Variants in GOLM1 observed in about 807,000 individuals in gnomAD.
GOLM1 encodes the protein golgi membrane protein 1.
In GOLM1, 31 loss-of-function variants were observed where a neutral mutation model predicts 50.5. That is an observed-to-expected ratio of 0.61 (90% CI 0.46 to 0.83). The LOEUF is 0.83. Among genes scored for constraint, GOLM1 ranks in the 40% least tolerant of loss-of-function variants. The pLI is 0.00. For synonymous variants in GOLM1, 178 were observed against 192.8 expected, an observed-to-expected ratio of 0.92 and a Z score of 0.64; for missense variants, 491 against 501.3, an observed-to-expected ratio of 0.98 and a Z score of 0.20.
intron 3 of GOLM1, among the ~76,000 whole-genome samples, chr9:86,066,235 G>A (rs1241523734): frequency 1.3e-5 from 2 of 152,128 alleles, no homozygotes; most frequent in Non-Finnish European, 2.9e-5. Context: ...CGCACTCCAT[G>A]AACCAGCTCT....
intron 1 of GOLM1, among the ~76,000 whole-genome samples, chr9:86,095,207 C>T (rs1835320417): frequency 6.6e-6 from 1 of 152,018 alleles, no homozygotes; most frequent in Admixed American, 6.6e-5. Flanking sequence ...ACACTGCCCA[C>T]AAATTAAGAA....
chr9:86,080,983 C>T (rs567092996), intron 1 of GOLM1, among the ~76,000 whole-genome samples: 1 of 152,204 alleles, frequency 6.6e-6, no homozygotes, highest in Non-Finnish European at 1.5e-5. Context: ...CTCTTGGGCT[C>T]AAATAATCCT....
intron 1 of GOLM1, among the ~76,000 whole-genome samples, chr9:86,088,423 T>C (rs1294713128): frequency 4.5e-4 from 8 of 17,872 alleles, no homozygotes; most frequent in Middle Eastern, 0.12. Flanking sequence ...GAAGGGTGTA[T>C]ATATATATAT....
intron 9 of GOLM1, among the ~76,000 whole-genome samples, chr9:86,030,521 G>A (rs1490687240): frequency 6.6e-6 from 1 of 152,068 alleles, no homozygotes; most frequent in Non-Finnish European, 1.5e-5. Flanking sequence ...AATCAGACAA[G>A]CACAGATTGA....
intron 1 of GOLM1, among the ~76,000 whole-genome samples, chr9:86,096,524 C>T (rs1835360647): frequency 6.6e-6 from 1 of 152,174 alleles, no homozygotes; most frequent in South Asian, 2.1e-4. Context: ...CCCAGACCTA[C>T]CAAGTCAGAG....
Position 86,027,717 on chromosome 9 carries a change from T to C in GOLM1, c.*100A>G, listed in dbSNP as rs1564337648. 2.0e-6 allele frequency: 3 copies of C among 1,467,102 alleles called. No individual in the cohort carries two copies. In the East Asian group the frequency reaches 7.5e-5, roughly 36 times the overall value. 90.9% of individuals were successfully genotyped at this position (1,467,102 alleles called of 1,614,324 possible). ...ACAATAATCATCTTCAGATGTACAT[T>C]TTATTTAGTACATTTCACAGTTTTC... On this transcript the variant is annotated 3_prime_UTR_variant, in exon 10 of 10. Coordinates refer to ENST00000388712, the MANE Select transcript of GOLM1 (RefSeq NM_016548.4).
intron 1 of GOLM1, among the ~76,000 whole-genome samples, chr9:86,098,256 T>C (rs940556367): frequency 6.8e-6 from 1 of 146,738 alleles, no homozygotes; most frequent in Non-Finnish European, 1.5e-5. Flanking sequence ...AGAAAGAAAG[T>C]AATGAGCTTA....
Position 86,026,327 on chromosome 9 carries a change from C to T in GOLM1, c.*1490G>A, listed in dbSNP as rs982082155. On this transcript the variant is annotated 3_prime_UTR_variant, in exon 10 of 10. Coordinates refer to ENST00000388712, the MANE Select transcript of GOLM1 (RefSeq NM_016548.4). ...TACTCTAAGATTTTATCTAAGTTGC[C>T]TTTTCTGGGTGGGAAAGTTTAACCT... The T allele has an allele frequency of 1.0e-6, 1 of 985,034 alleles. No homozygotes were observed. Among genetic ancestry groups the T allele is most frequent in the Non-Finnish European group, 1.2e-6 (1 of 829,660 alleles). 61.0% of individuals were successfully genotyped at this position (985,034 alleles called of 1,614,324 possible).
intron 3 of GOLM1, among the ~76,000 whole-genome samples, chr9:86,053,334 A>G (rs1833838450): frequency 8.9e-6 from 1 of 111,920 alleles, no homozygotes; most frequent in African/African-American, 3.4e-5. Flanking sequence ...ACACCACACT[A>G]CACCACGCCA....
chr9:86,085,050 GAAAC>G (rs147873774), intron 1 of GOLM1: 49,177 of 137,998 alleles, frequency 0.36, 9,506 homozygotes, highest in Non-Finnish European at 0.45. Context: ...CTGTCCCAGA[GAAAC>G]AAACAAAAAG....
intron 3 of GOLM1, among the ~76,000 whole-genome samples, chr9:86,057,863 C>T (rs1215639359): frequency 1.3e-5 from 2 of 152,214 alleles, no homozygotes; most frequent in Non-Finnish European, 2.9e-5. Flanking sequence ...CTGTCCCCTC[C>T]AGAAGGTGAC....
At chr9:86,066,266 A>G (rs1834305160) in intron 3 of GOLM1, among the ~76,000 whole-genome samples, 1 of 152,194 alleles carries the variant, frequency 6.6e-6, no homozygotes, top group African/African-American at 2.4e-5. Context: ...AAAGCACTGT[A>G]AACACCTCAG....
At chr9:86,069,712 C>T (rs189410394) in intron 3 of GOLM1, among the ~76,000 whole-genome samples, 2 of 152,286 alleles carry the variant, frequency 1.3e-5, no homozygotes, top group East Asian at 3.9e-4. Flanking sequence ...AGAGGGTTAG[C>T]TGAGGCCAGC....
chr9:86,031,165 G>A (rs1436328102), intron 9 of GOLM1, among the ~76,000 whole-genome samples: 2 of 151,742 alleles, frequency 1.3e-5, no homozygotes, highest in African/African-American at 4.8e-5. Flanking sequence ...AGCCGAGATC[G>A]CACTACTGCA....
At chr9:86,043,819 T>G (rs1030942697) in intron 5 of GOLM1, among the ~76,000 whole-genome samples, 18 of 152,312 alleles carry the variant, frequency 1.2e-4, no homozygotes, top group African/African-American at 4.1e-4. Context: ...GGAGCAGAGA[T>G]TCCTTCCCTG....
intron 1 of GOLM1, 21 bp from the exon 2 acceptor site, chr9:86,079,362 A>G: frequency 6.5e-7 from 1 of 1,537,336 alleles, no homozygotes; most frequent in Non-Finnish European, 8.8e-7. Context: ...AAAGCAAATA[A>G]ATAAACATCA....
At chr9:86,064,795 T>C (rs1834259930) in intron 3 of GOLM1, among the ~76,000 whole-genome samples, 4 of 152,218 alleles carry the variant, frequency 2.6e-5, no homozygotes, top group African/African-American at 7.2e-5. Flanking sequence ...CTGACTCCCA[T>C]GGCCCTTGAG....
chr9:86,039,574 G>A (rs192936931), intron 6 of GOLM1, among the ~76,000 whole-genome samples: 2 of 152,288 alleles, frequency 1.3e-5, no homozygotes, highest in African/African-American at 4.8e-5. Flanking sequence ...TAATCCACAT[G>A]TGGTCTATCC....
intron 1 of GOLM1, 30 bp from the exon 2 acceptor site, chr9:86,079,371 C>A: frequency 6.6e-7 from 1 of 1,524,996 alleles, no homozygotes; most frequent in Admixed American, 2.0e-5. Flanking sequence ...AAATAAACAT[C>A]AATACTAGTT....
Sources: allele counts gnomAD v4.1 joint callset (sites outside exome capture counted in the v4.1 genomes callset), GRCh38; gene constraint gnomAD v4.1.1; transcripts MANE v1.5; gene names NCBI Gene and HGNC (gene_info 2026-07-23, HGNC 2026-07-21).